Variants in PNPLA7 observed in about 807,000 individuals in gnomAD.
PNPLA7 encodes patatin-like phospholipase domain-containing protein 7.
Under a neutral mutation model 161.7 loss-of-function variants are expected in PNPLA7, and 153 were observed. The ratio of observed to expected loss-of-function variants is 0.95; its 90% CI spans 0.83 to 1.08. The LOEUF is 1.08. Ranked by LOEUF, PNPLA7 falls within the 50% of genes least tolerant of loss-of-function variation. The pLI is 0.00. For missense variants in PNPLA7, 1,739 were observed against 1,856.6 expected, an observed-to-expected ratio of 0.94 and a Z score of 1.16; for synonymous variants, 809 against 782.1, an observed-to-expected ratio of 1.03 and a Z score of -0.57.
At position 137,486,702 on chromosome 9, in the gene PNPLA7, G is replaced by A. The variant is rs1317289032; in HGVS notation, c.2198-1966C>T. Reference sequence around the variant, plus strand: ...GCACCGGGAGCCCTGGGCCTCCACCGCCCAGCCTTGGGGTGGCTTCAGCCG... The same window carrying A: ...GCACCGGGAGCCCTGGGCCTCCACCACCCAGCCTTGGGGTGGCTTCAGCCG... On this transcript the variant is annotated intron_variant, in intron 20 of 34. Transcript: ENST00000406427. The surrounding 1 kb of genome is among the most constrained non-coding windows in gnomAD (Gnocchi z 6.0). 6.6e-6 allele frequency among the ~76,000 whole-genome samples: 1 copy of A among 151,982 alleles called. No homozygotes were observed. The highest frequency in any genetic ancestry group is 1.5e-5 in the Non-Finnish European group (1 of 67,986).
In PNPLA7 at chr9:137,464,141, G is replaced by C; in HGVS notation, c.3211C>G (p.Arg1071Gly). The C allele has an allele frequency of 1.2e-6, 2 of 1,613,548 alleles. No homozygotes were observed. Among genetic ancestry groups the C allele is most frequent in the Non-Finnish European group, 1.7e-6 (2 of 1,179,908 alleles). Reference sequence around the variant, plus strand: ...GAGTGCTCACCGTCGGTGTGGACCCGCATGGCCGAGGCTGTGATGTCGGTG... The same window carrying C: ...GAGTGCTCACCGTCGGTGTGGACCCCCATGGCCGAGGCTGTGATGTCGGTG... Reference protein sequence around the residue: ...ITTDITASAMRVHTDGSLWWY... With the variant: ...ITTDITASAMGVHTDGSLWWY... Residue 1071 changes from arginine to glycine, a missense_variant, in exon 28 of 35, where the codon CGG becomes GGG. By Grantham distance (125) the Arg-to-Gly change is moderately radical. Around this residue, in one of 6 missense-constraint regions of PNPLA7, gnomAD observed 703 missense variants for 694.6 expected, o/e 1.01. Coordinates refer to ENST00000406427, the MANE Select transcript of PNPLA7 (RefSeq NM_001098537.3).
chr9:137,463,122 A>ACTGGGGCTTAATTGCTCTGAC (rs1238215566), intron 29 of PNPLA7: 8 of 589,508 alleles, frequency 1.4e-5, no homozygotes, highest in African/African-American at 1.3e-4. Context: ...GTGGGCACAG[A>ACTGGGGCTTAATTGCTCTGAC]TGGGGCTTAA....
intron 23 of PNPLA7, 25 bp from the exon 24 acceptor site, chr9:137,479,263 G>A: frequency 6.7e-7 from 1 of 1,499,480 alleles, no homozygotes. Context: ...CCACGTGTCT[G>A]CCAGCCGGGT....
chr9:137,489,961 C>T (rs961410549), intron 20 of PNPLA7, among the ~76,000 whole-genome samples: 3 of 152,218 alleles, frequency 2.0e-5, no homozygotes, highest in Non-Finnish European at 4.4e-5. Flanking sequence ...AGACTGAACA[C>T]TTCCAAAATG....
At chr9:137,485,849 A>G (rs1832453504) in intron 20 of PNPLA7, among the ~76,000 whole-genome samples, 1 of 152,204 alleles carries the variant, frequency 6.6e-6, no homozygotes. Context: ...CTCGGCCAGC[A>G]CAGTGGCAAG....
chr9:137,476,295 T>G lies in PNPLA7; in HGVS notation c.2882+1739A>C, dbSNP rs1456758087. Among the ~76,000 whole-genome samples, 1 of 152,168 alleles carries G rather than the reference T, an allele frequency of 6.6e-6. No homozygotes were observed. Among genetic ancestry groups the G allele is most frequent in the Non-Finnish European group, 1.5e-5 (1 of 68,026 alleles). ...AATTATTAACTCCAAGGAAGGAACTTCAATCATAGGATAGGATAGGATGTG... is the reference window on the plus strand; with the variant it reads ...AATTATTAACTCCAAGGAAGGAACTGCAATCATAGGATAGGATAGGATGTG... On this transcript the variant is annotated intron_variant, in intron 25 of 34. Coordinates refer to ENST00000406427, the MANE Select transcript of PNPLA7 (RefSeq NM_001098537.3). The surrounding 1 kb of genome is among the most constrained non-coding windows in gnomAD (Gnocchi z 4.5).
chr9:137,516,335 C>T (rs533383211), intron 11 of PNPLA7: 516 of 984,464 alleles, frequency 5.2e-4, no homozygotes, highest in African/African-American at 4.7e-3. Context: ...CTGGCCTTGC[C>T]GACCACACAG....
chr9:137,528,286 T>A (rs1835400864), intron 8 of PNPLA7, among the ~76,000 whole-genome samples: 1 of 152,168 alleles, frequency 6.6e-6, no homozygotes, highest in Admixed American at 6.5e-5. Context: ...TGCTTTGGGT[T>A]TCATTTGTTT....
chr9:137,520,144 G>A lies in PNPLA7; in HGVS notation c.958-101C>T. 6.7e-7 allele frequency: 1 copy of A among 1,502,864 alleles called. No homozygotes were observed. The highest frequency in any genetic ancestry group is 9.0e-7 in the Non-Finnish European group (1 of 1,113,500). 93.1% of individuals were successfully genotyped at this position (1,502,864 alleles called of 1,614,324 possible). A position where few individuals can be genotyped will look rare whatever the true frequency, so the allele number is the denominator to read the frequency against. On this transcript the variant is annotated intron_variant, in intron 10 of 34. Transcript: ENST00000406427. The surrounding 1 kb of genome is among the most constrained non-coding windows in gnomAD (Gnocchi z 5.2). ...GTGTGACAGGTGTGGGCTCCTCAAAGGTGTGACAGGTGTGGGCCCCTCAAA... is the reference window on the plus strand; with the variant it reads ...GTGTGACAGGTGTGGGCTCCTCAAAAGTGTGACAGGTGTGGGCCCCTCAAA...
At chr9:137,484,500 C>A in intron 21 of PNPLA7, 87 bp downstream of exon 21, 1 of 1,405,312 alleles carries the variant, frequency 7.1e-7, no homozygotes, top group Non-Finnish European at 9.4e-7. Flanking sequence ...ACCGCCGCGT[C>A]CCCTCGAAGA....
chr9:137,461,890 CGGTCCGGGGAGCTGGGCGT>C (rs777832562), intron 32 of PNPLA7, 22 bp downstream of exon 32: 54 of 1,456,036 alleles, frequency 3.7e-5, no homozygotes, highest in East Asian at 4.9e-5. Context: ...GAACTGGGCG[CGGTCCGGGGAGCTGGGCGT>C]GGTCCGGACG....
chr9:137,542,966 C>A (rs766412952), intron 6 of PNPLA7, among the ~76,000 whole-genome samples, 165 bp from the exon 7 acceptor site: 1 of 152,232 alleles, frequency 6.6e-6, no homozygotes, highest in Non-Finnish European at 1.5e-5. Context: ...CAAACACAAC[C>A]GTCAACTTCT....
Position 137,522,845 on chromosome 9 carries a change from G to A in PNPLA7, c.760C>T (p.Pro254Ser). ...ILDIITGHAA[P>S]YKTVSVRAAI... ...GCGCGGACGGAGACCGTTTTGTAAGGTGCAGCATGGCCCTGTAACAACAGC... is the reference window on the plus strand; with the variant it reads ...GCGCGGACGGAGACCGTTTTGTAAGATGCAGCATGGCCCTGTAACAACAGC... Residue 254 changes from proline to serine, a missense_variant, in exon 9 of 35, where the codon CCT (proline) becomes TCT (serine). Physicochemically the swap from Pro to Ser is moderately conservative, Grantham distance 74. Coordinates refer to ENST00000406427, the MANE Select transcript of PNPLA7 (RefSeq NM_001098537.3). 6.2e-7 allele frequency: 1 copy of A among 1,613,510 alleles called. No individual in the cohort carries two copies. The highest frequency in any genetic ancestry group is 8.5e-7 in the Non-Finnish European group (1 of 1,179,890).
chr9:137,501,979 A>G (rs905629195), intron 14 of PNPLA7, among the ~76,000 whole-genome samples: 1 of 152,252 alleles, frequency 6.6e-6, no homozygotes, highest in Non-Finnish European at 1.5e-5. Flanking sequence ...ATGCAGAAAC[A>G]GACACTCGTA....
At chr9:137,498,431 C>T (rs1230497654) in intron 16 of PNPLA7, among the ~76,000 whole-genome samples, 186 bp from the exon 17 acceptor site, 15 of 152,262 alleles carry the variant, frequency 9.9e-5, no homozygotes, top group Admixed American at 8.5e-4. Context: ...CAGCACTGCC[C>T]ACCACGTGCC....
intron 11 of PNPLA7, 64 bp from the exon 12 acceptor site, chr9:137,515,583 A>G (rs1834492115): frequency 1.4e-6 from 2 of 1,459,316 alleles, no homozygotes; most frequent in African/African-American, 2.8e-5. Flanking sequence ...GGTGCAGCCC[A>G]TTCGGGGCCA....
chr9:137,522,264 C>T (rs547112094), intron 9 of PNPLA7, among the ~76,000 whole-genome samples: 27 of 151,270 alleles, frequency 1.8e-4, no homozygotes, highest in African/African-American at 3.9e-4. Flanking sequence ...TTAGCAGAGA[C>T]GGGGTTTCAC....
At chr9:137,529,473 G>C (rs2132537923) in intron 8 of PNPLA7, among the ~76,000 whole-genome samples, 1 of 152,250 alleles carries the variant, frequency 6.6e-6, no homozygotes, top group South Asian at 2.1e-4. Flanking sequence ...ATTTTCCGGA[G>C]AATGTTGCCT....
chr9:137,512,843 C>G (rs7389404), intron 12 of PNPLA7, among the ~76,000 whole-genome samples: 107,202 of 151,552 alleles, frequency 0.71, 38,605 homozygotes, highest in East Asian at 0.87. Context: ...TGTGCCTGTA[C>G]TCCCAACTAC....
Sources: gnomAD v4.1 joint callset for allele counts (sites outside exome capture counted in the v4.1 genomes callset) on GRCh38, gnomAD v4.1.1 for gene constraint, gnomAD v4.1.1 regional missense constraint, Gnocchi (gnomAD v3.1) non-coding constraint, MANE v1.5 for transcripts, NCBI Gene and HGNC (gene_info 2026-07-23, HGNC 2026-07-21) for gene names.